The following PRDM11 variants were observed in gnomAD, a reference collection of about 807,000 sequenced individuals.
PRDM11 encodes PR domain-containing protein 11.
In PRDM11, 20 loss-of-function variants were observed where a neutral mutation model predicts 97.8. The observed-to-expected ratio is 0.20, with a 90% CI of 0.14 to 0.30. PRDM11 has a LOEUF of 0.30. PRDM11 is among the 10% of genes least tolerant of loss of function. The probability of loss-of-function intolerance (pLI) is 1.00; values close to 1 mark genes in which losing one functional copy is unlikely to be tolerated. For synonymous variants in PRDM11, 599 were observed against 637.7 expected, an observed-to-expected ratio of 0.94 and a Z score of 0.91; for missense variants, 1,139 against 1,555.2, an observed-to-expected ratio of 0.73 and a Z score of 4.50.
chr11:45,116,940 G>A (rs948652686), intron 1 of PRDM11, among the ~76,000 whole-genome samples: 1 of 152,146 alleles, frequency 6.6e-6, no homozygotes, highest in Admixed American at 6.5e-5. Flanking sequence ...AGTTCCCAAT[G>A]CCTCCGGGTG....
chr11:45,187,290 A>G (rs1852739548), intron 4 of PRDM11, among the ~76,000 whole-genome samples: 2 of 152,184 alleles, frequency 1.3e-5, no homozygotes, highest in African/African-American at 4.8e-5. Flanking sequence ...TAGACGTTCA[A>G]CAGAGGAAGC....
rs897407899 is a variant in PRDM11 at position 45,228,189 on chromosome 11, G to A, written c.*30G>A. 1.5e-5 allele frequency: 22 copies of A among 1,431,514 alleles called. No individual in the cohort carries two copies. The African/African-American group carries it at 3.0e-4, about 20-fold the overall frequency. The allele number at this position is 1,431,514 out of a possible 1,614,324, so 88.7% of individuals were successfully genotyped here. ...CTGGCGCTGCAGAGTTCACTAAGCTGTTGAATATTTTTTTAATCTATACTC... is the reference window on the plus strand; with the variant it reads ...CTGGCGCTGCAGAGTTCACTAAGCTATTGAATATTTTTTTAATCTATACTC... On this transcript the variant is annotated 3_prime_UTR_variant, in exon 8 of 8. Coordinates refer to ENST00000683152, the MANE Select transcript of PRDM11 (RefSeq NM_001384648.1).
chr11:45,106,722 G>A (rs1383385570), intron 1 of PRDM11, among the ~76,000 whole-genome samples: 3 of 152,318 alleles, frequency 2.0e-5, no homozygotes, highest in South Asian at 4.1e-4. Flanking sequence ...TCCACTCCAC[G>A]TGGTCTGTGA....
At chr11:45,111,819 C>A (rs1249171305) in intron 1 of PRDM11, among the ~76,000 whole-genome samples, 1 of 152,188 alleles carries the variant, frequency 6.6e-6, no homozygotes, top group Non-Finnish European at 1.5e-5. Flanking sequence ...TGCCACTGAA[C>A]TGGCAACATG....
intron 1 of PRDM11, among the ~76,000 whole-genome samples, chr11:45,168,646 G>A (rs1852127801): frequency 6.6e-6 from 1 of 152,200 alleles, no homozygotes; most frequent in African/African-American, 2.4e-5. Context: ...CCCACTAAGA[G>A]CCACAGGTGT....
chr11:45,106,688 C>A (rs1852066978), intron 1 of PRDM11, among the ~76,000 whole-genome samples: 1 of 152,204 alleles, frequency 6.6e-6, no homozygotes, highest in Admixed American at 6.5e-5. Context: ...CACGGGCTGC[C>A]ACCTGGGACA....
intron 1 of PRDM11, among the ~76,000 whole-genome samples, chr11:45,147,866 G>GA (rs1851560765): frequency 2.0e-5 from 3 of 152,182 alleles, no homozygotes; most frequent in Non-Finnish European, 4.4e-5. Context: ...TGGCTGTAAG[G>GA]AAACACACCC....
At chr11:45,123,710 G>A (rs1163366586) in intron 1 of PRDM11, among the ~76,000 whole-genome samples, 2 of 150,526 alleles carry the variant, frequency 1.3e-5, no homozygotes, top group Non-Finnish European at 3.0e-5. Context: ...CTATATCTCT[G>A]TTTTGGTACC....
At chr11:45,171,792 G>T (rs1298696967) in intron 1 of PRDM11, among the ~76,000 whole-genome samples, 2 of 152,222 alleles carry the variant, frequency 1.3e-5, no homozygotes, top group Non-Finnish European at 2.9e-5. Flanking sequence ...GAGGTAGCGT[G>T]GATTTCAGGA....
At chr11:45,207,910 C>T (rs1180216538) in intron 5 of PRDM11, among the ~76,000 whole-genome samples, 1 of 152,144 alleles carries the variant, frequency 6.6e-6, no homozygotes, top group African/African-American at 2.4e-5. Context: ...TCCTCCATAC[C>T]CTCATGTCCT....
intron 1 of PRDM11, among the ~76,000 whole-genome samples, chr11:45,127,872 T>C (rs1010139736): frequency 3.3e-5 from 5 of 152,216 alleles, no homozygotes; most frequent in African/African-American, 1.2e-4. Flanking sequence ...CACTACTCTC[T>C]TCAAAGCTGT....
chr11:45,178,226 G>A (rs746807321), intron 1 of PRDM11, among the ~76,000 whole-genome samples: 6 of 151,010 alleles, frequency 4.0e-5, no homozygotes, highest in Non-Finnish European at 8.8e-5. Flanking sequence ...AACCCCTTCC[G>A]CATCCCTCTG....
chr11:45,160,083 G>A (rs1851894232), intron 1 of PRDM11, among the ~76,000 whole-genome samples: 1 of 152,202 alleles, frequency 6.6e-6, no homozygotes, highest in Non-Finnish European at 1.5e-5. Context: ...AACTCTTGAT[G>A]CGAGTAGAGA....
At chr11:45,100,468 G>T (rs1851953299) in intron 1 of PRDM11, among the ~76,000 whole-genome samples, 1 of 152,176 alleles carries the variant, frequency 6.6e-6, no homozygotes, top group Non-Finnish European at 1.5e-5. Flanking sequence ...GTCCTGATTG[G>T]CAGCCCTGAA....
At chr11:45,104,218 C>T (rs1852024128) in intron 1 of PRDM11, among the ~76,000 whole-genome samples, 1 of 152,224 alleles carries the variant, frequency 6.6e-6, no homozygotes, top group Non-Finnish European at 1.5e-5. Flanking sequence ...GGAGACCTGG[C>T]TCTTCCAGGT....
At position 45,216,963 on chromosome 11, in the gene PRDM11, T is replaced by G. The variant is rs970082201; in HGVS notation, c.555-2607T>G. 5.3e-5 allele frequency among the ~76,000 whole-genome samples: 8 copies of G among 152,216 alleles called. No individual in the cohort carries two copies. The East Asian group carries it at 9.6e-4, about 18-fold the overall frequency. Reference sequence around the variant, plus strand: ...ATTCTAGCTTTTAGAGGTTGGTGGTTGTTTAGAAACTGGAAGAAAAAAAGG... The same window carrying G: ...ATTCTAGCTTTTAGAGGTTGGTGGTGGTTTAGAAACTGGAAGAAAAAAAGG... On this transcript the variant is annotated intron_variant, in intron 5 of 7. Transcript: ENST00000683152.
In PRDM11 at chr11:45,227,616, C is replaced by T; in HGVS notation, c.2991C>T (p.Ser997=). ...QVFDLAAWPR[S]SEELMSYGKE... ...TTGACCTGGCTGCCTGGCCCAGGAGCAGTGAGGAGCTGATGAGCTATGGCA... is the reference window on the plus strand; with the variant it reads ...TTGACCTGGCTGCCTGGCCCAGGAGTAGTGAGGAGCTGATGAGCTATGGCA... The change falls in exon 8 of 8, where the codon AGC becomes AGT. Residue 997 remains serine, a synonymous_variant. Coordinates refer to ENST00000683152, the MANE Select transcript of PRDM11 (RefSeq NM_001384648.1). The surrounding 1 kb of genome is among the most constrained non-coding windows in gnomAD (Gnocchi z 8.0). The T allele has an allele frequency of 1.3e-6, 2 of 1,533,894 alleles. No homozygotes were observed. The highest frequency in any genetic ancestry group is 8.7e-7 in the Non-Finnish European group (1 of 1,146,724).
At chr11:45,123,326 G>T (rs1852484681) in intron 1 of PRDM11, among the ~76,000 whole-genome samples, 1 of 152,190 alleles carries the variant, frequency 6.6e-6, no homozygotes, top group South Asian at 2.1e-4. Flanking sequence ...TTCTTCTGCT[G>T]TGCAGAAGCT....
intron 1 of PRDM11, among the ~76,000 whole-genome samples, chr11:45,140,206 A>G (rs998823035): frequency 1.3e-5 from 2 of 152,228 alleles, no homozygotes; most frequent in African/African-American, 4.8e-5. Context: ...TATGGTTTTC[A>G]TCTTCTCAAG....
Sources: allele counts gnomAD v4.1 joint callset (sites outside exome capture counted in the v4.1 genomes callset), GRCh38; gene constraint gnomAD v4.1.1; non-coding constraint Gnocchi (gnomAD v3.1); transcripts MANE v1.5; gene names NCBI Gene and HGNC (gene_info 2026-07-23, HGNC 2026-07-21).